Variants in ARL17A observed in about 807,000 individuals in gnomAD.
The protein encoded by ARL17A is ARF like GTPase 17A.
chr17:46,504,875 TTAA>T, the ARL17A span, among the ~76,000 whole-genome samples: 1 of 124,474 alleles, frequency 8.0e-6, no homozygotes, highest in Admixed American at 8.2e-5. Flanking sequence ...GATTTATTAA[TTAA>T]TAAATTGATT....
chr17:46,549,164 T>C (rs551368559), downstream of ARL17A: 87 of 1,611,236 alleles, frequency 5.4e-5, 1 homozygote, highest in Admixed American at 1.8e-4. Flanking sequence ...GCAAACAGGC[T>C]TCCATTCTCT....
intron 3 of ARL17A, 138 bp from the exon 4 acceptor site, chr17:46,557,768 G>GTC (rs1050004385): frequency 2.0e-5 from 3 of 153,268 alleles, no homozygotes; most frequent in African/African-American, 8.8e-5. Context: ...GTGTTTGGGT[G>GTC]TCTGAGGCTT....
At chr17:46,569,439 A>G (rs1376854888) in intron 3 of ARL17A, among the ~76,000 whole-genome samples, 3 of 150,122 alleles carry the variant, frequency 2.0e-5, no homozygotes, top group Admixed American at 1.3e-4. Flanking sequence ...CAAAATGCTT[A>G]TAACTGTTGA....
chr17:46,545,008 A>C (rs1232900859), intron 3 of ARL17A, among the ~76,000 whole-genome samples: 1 of 139,954 alleles, frequency 7.1e-6, no homozygotes, highest in African/African-American at 2.7e-5. Flanking sequence ...TTTCCTCATG[A>C]TGAAATTCAA....
intron 3 of ARL17A, among the ~76,000 whole-genome samples, chr17:46,568,551 C>G (rs1263149319): frequency 9.8e-6 from 1 of 101,652 alleles, no homozygotes; most frequent in East Asian, 3.9e-4. Context: ...ACACTATGGT[C>G]TCAGCACTTT....
chr17:46,569,502 ATTTG>A (rs2057660855), intron 3 of ARL17A, among the ~76,000 whole-genome samples: 1 of 144,982 alleles, frequency 6.9e-6, no homozygotes, highest in Admixed American at 6.9e-5. Flanking sequence ...CTGTCTTTGT[ATTTG>A]TTTTAGATTT....
At chr17:46,532,168 G>A (rs2053749960) in intron 4 of ARL17A, among the ~76,000 whole-genome samples, 1 of 149,234 alleles carries the variant, frequency 6.7e-6, no homozygotes, top group South Asian at 2.1e-4. Context: ...CAAAATGCTG[G>A]GATTACAGGC....
At chr17:46,518,829 GTAAC>G (rs2051816505) in intron 3 of ARL17A, among the ~76,000 whole-genome samples, 1 of 77,534 alleles carries the variant, frequency 1.3e-5, no homozygotes, top group Non-Finnish European at 3.4e-5. Context: ...TACATTCAAA[GTAAC>G]TGACATTTTT....
At chr17:46,534,249 G>A (rs1228646221) in intron 4 of ARL17A, among the ~76,000 whole-genome samples, 2 of 145,498 alleles carry the variant, frequency 1.4e-5, no homozygotes, top group Non-Finnish European at 3.0e-5. Flanking sequence ...TCGCAGAGGG[G>A]GATTTGGCAG....
chr17:46,529,632 G>A (rs1321958317), intron 4 of ARL17A, among the ~76,000 whole-genome samples: 1 of 73,784 alleles, frequency 1.4e-5, no homozygotes, highest in Non-Finnish European at 3.7e-5. Context: ...AACAAAGTGA[G>A]ACCCCAATCT....
chr17:46,519,215 G>T (rs1309158097), intron 3 of ARL17A, among the ~76,000 whole-genome samples: 3 of 150,426 alleles, frequency 2.0e-5, no homozygotes, highest in Non-Finnish European at 2.9e-5. Flanking sequence ...CGGGTTCAAG[G>T]GATTCTCCTG....
the ARL17A span, among the ~76,000 whole-genome samples, chr17:46,502,876 CAT>C: frequency 6.6e-6 from 1 of 150,748 alleles, no homozygotes; most frequent in Non-Finnish European, 1.5e-5. Flanking sequence ...CACTGTGACT[CAT>C]GTTACAGGCT....
At chr17:46,551,416 G>T (rs1168252424), downstream of ARL17A, among the ~76,000 whole-genome samples, 2 of 149,776 alleles carry the variant, frequency 1.3e-5, no homozygotes, top group Non-Finnish European at 2.9e-5. Flanking sequence ...TTCCATTATT[G>T]TGGCAGCCCT....
At chr17:46,532,254 C>G (rs1448431876) in intron 4 of ARL17A, among the ~76,000 whole-genome samples, 1 of 148,900 alleles carries the variant, frequency 6.7e-6, no homozygotes, top group Non-Finnish European at 1.5e-5. Flanking sequence ...AACCATAGAT[C>G]AGTTTGGAGA....
downstream of ARL17A, among the ~76,000 whole-genome samples, chr17:46,550,722 C>T (rs570576616): frequency 1.6e-4 from 22 of 135,762 alleles, no homozygotes; most frequent in Non-Finnish European, 3.3e-4. Context: ...GCTTTCAGAT[C>T]TCTGTGAATT....
intron 3 of ARL17A, among the ~76,000 whole-genome samples, chr17:46,519,489 T>TATCC (rs2051975602): frequency 7.7e-6 from 1 of 129,594 alleles, no homozygotes; most frequent in Non-Finnish European, 1.6e-5. Flanking sequence ...GAGAGAGGGA[T>TATCC]ATGATTGGAA....
intron 4 of ARL17A, among the ~76,000 whole-genome samples, chr17:46,532,188 C>T (rs2053755359): frequency 6.7e-6 from 1 of 148,956 alleles, no homozygotes; most frequent in Admixed American, 6.6e-5. Flanking sequence ...CATGAGCTAC[C>T]ATGCCCAGCC....
chr17:46,533,510 T>C (rs1265534116), intron 4 of ARL17A, among the ~76,000 whole-genome samples: 14 of 146,410 alleles, frequency 9.6e-5, no homozygotes, highest in Admixed American at 4.0e-4. Flanking sequence ...TTTTTTTTTT[T>C]CTTTATTTTG....
chr17:46,502,721 T>TTTTTTG, the ARL17A span, among the ~76,000 whole-genome samples: 1 of 151,110 alleles, frequency 6.6e-6, no homozygotes, highest in Non-Finnish European at 1.5e-5. Context: ...CCTGTGAGGG[T>TTTTTTG]TTTTTGTTTT....
Sources: gnomAD v4.1 joint callset for allele counts (sites outside exome capture counted in the v4.1 genomes callset) on GRCh38, gnomAD v4.1.1 for gene constraint, MANE v1.5 for transcripts, NCBI Gene and HGNC (gene_info 2026-07-23, HGNC 2026-07-21) for gene names.